Variants in PARD3 observed in about 807,000 individuals in gnomAD.
PARD3 encodes the protein par-3 family cell polarity regulator, also known as partitioning defective 3 homolog.
Under a neutral mutation model 155.4 loss-of-function variants are expected in PARD3, and 75 were observed. That is an observed-to-expected ratio of 0.48 (90% CI 0.40 to 0.58). PARD3 has a LOEUF of 0.58. Among genes scored for constraint, PARD3 ranks in the 20% least tolerant of loss-of-function variants. The pLI is 0.00. For synonymous variants in PARD3, 576 were observed against 610.5 expected (o/e 0.94, Z 0.83); for missense variants, 1,642 against 1,721.7 (o/e 0.95, Z 0.82).
intron 2 of PARD3, among the ~76,000 whole-genome samples, chr10:34,648,735 G>A (rs1423395342): frequency 1.3e-5 from 2 of 152,204 alleles, no homozygotes; most frequent in Non-Finnish European, 2.9e-5. Flanking sequence ...GTACCACACA[G>A]TGGTCTGCGG....
chr10:34,623,332 C>T (rs763300808), intron 2 of PARD3, among the ~76,000 whole-genome samples: 6 of 152,142 alleles, frequency 3.9e-5, no homozygotes, highest in Admixed American at 6.5e-5. Context: ...TATTTATGCA[C>T]ATTAGATATG....
intron 5 of PARD3, among the ~76,000 whole-genome samples, chr10:34,421,540 G>A (rs1452798343): frequency 6.6e-6 from 1 of 151,418 alleles, no homozygotes; most frequent in Non-Finnish European, 1.5e-5. Context: ...GTAAACTTTG[G>A]GTCCGGTCTG....
intron 20 of PARD3, among the ~76,000 whole-genome samples, chr10:34,308,103 C>T (rs758202442): frequency 1.1e-4 from 17 of 150,272 alleles, no homozygotes; most frequent in Non-Finnish European, 2.1e-4. Flanking sequence ...CTAGTGGACC[C>T]GGTAGGTTCA....
intron 21 of PARD3, among the ~76,000 whole-genome samples, chr10:34,280,240 G>T (rs140092953): frequency 2.4e-3 from 367 of 152,182 alleles, no homozygotes; most frequent in Middle Eastern, 6.8e-3. Flanking sequence ...CATTTAATAT[G>T]ATTTTCTAAG....
At chr10:34,670,151 G>A (rs1263108219) in intron 2 of PARD3, among the ~76,000 whole-genome samples, 2 of 152,214 alleles carry the variant, frequency 1.3e-5, no homozygotes. Flanking sequence ...CATCTCTCTG[G>A]CCTGGGAATC....
chr10:34,561,513 T>C (rs143477358), intron 2 of PARD3, among the ~76,000 whole-genome samples: 37 of 152,194 alleles, frequency 2.4e-4, no homozygotes, highest in Admixed American at 2.3e-3. Flanking sequence ...CATTTATTTT[T>C]TTTTAATTTA....
intron 21 of PARD3, among the ~76,000 whole-genome samples, chr10:34,274,509 G>C (rs1955781787): frequency 6.6e-6 from 1 of 152,100 alleles, no homozygotes; most frequent in Non-Finnish European, 1.5e-5. Context: ...ACTCAATTAT[G>C]ATCACTTATC....
intron 2 of PARD3, among the ~76,000 whole-genome samples, chr10:34,618,616 G>A (rs1365560527): frequency 6.6e-6 from 1 of 152,090 alleles, no homozygotes; most frequent in Non-Finnish European, 1.5e-5. Context: ...CTAATGGTAT[G>A]TATCAATCAG....
At chr10:34,664,648 GC>G (rs1296842629) in intron 2 of PARD3, among the ~76,000 whole-genome samples, 1 of 151,988 alleles carries the variant, frequency 6.6e-6, no homozygotes, top group Non-Finnish European at 1.5e-5. Flanking sequence ...ACCACACCCA[GC>G]TAATTTTTGT....
At chr10:34,145,558 TTG>T (rs941819551) in intron 22 of PARD3, among the ~76,000 whole-genome samples, 1 of 152,030 alleles carries the variant, frequency 6.6e-6, no homozygotes, top group African/African-American at 2.4e-5. Flanking sequence ...AAGCCTTCTA[TTG>T]TGTTTCTTAA....
intron 22 of PARD3, among the ~76,000 whole-genome samples, chr10:34,265,554 C>A (rs1955260411): frequency 1.3e-5 from 2 of 152,192 alleles, no homozygotes; most frequent in South Asian, 2.1e-4. Flanking sequence ...GGTCACTGGA[C>A]ACCAATTGCA....
At chr10:34,499,486 C>T (rs1262706282) in intron 3 of PARD3, among the ~76,000 whole-genome samples, 2 of 150,634 alleles carry the variant, frequency 1.3e-5, no homozygotes, top group East Asian at 3.9e-4. Flanking sequence ...AGAATGTATA[C>T]AAATTGAAAC....
intron 1 of PARD3, among the ~76,000 whole-genome samples, chr10:34,703,722 G>A (rs2094319994): frequency 1.3e-5 from 2 of 152,094 alleles, no homozygotes; most frequent in African/African-American, 4.8e-5. Context: ...AAGATTGGTG[G>A]GGGGAAGGGA....
intron 22 of PARD3, among the ~76,000 whole-genome samples, chr10:34,238,199 G>T (rs1170322987): frequency 6.6e-6 from 1 of 152,098 alleles, no homozygotes; most frequent in Non-Finnish European, 1.5e-5. Context: ...TTTTCACTCT[G>T]CATTTCAGCA....
chr10:34,525,711 AT>A (rs2082426767), intron 2 of PARD3, among the ~76,000 whole-genome samples: 1 of 151,810 alleles, frequency 6.6e-6, no homozygotes, highest in African/African-American at 2.4e-5. Context: ...TGCAGTAGGG[AT>A]TTTGCTTAAA....
intron 1 of PARD3, among the ~76,000 whole-genome samples, chr10:34,734,322 CTTTTTTTTTTTTTTTT>C (rs142307338): frequency 2.9e-4 from 20 of 67,982 alleles, no homozygotes; most frequent in Admixed American, 7.7e-4. Context: ...ATATGGGGCC[CTTTTTTTTTTTTTTTT>C]TTTTTTTTTT....
intron 2 of PARD3, among the ~76,000 whole-genome samples, chr10:34,568,660 T>C (rs903387398): frequency 6.6e-6 from 1 of 152,230 alleles, no homozygotes; most frequent in Non-Finnish European, 1.5e-5. Context: ...TGACCTCCCC[T>C]GTTCTCAGAC....
At chr10:34,462,711 T>C (rs945784227) in intron 4 of PARD3, among the ~76,000 whole-genome samples, 1 of 151,442 alleles carries the variant, frequency 6.6e-6, no homozygotes, top group Admixed American at 6.6e-5. Context: ...GGGTGGCCCA[T>C]GCTTGTAGTC....
intron 21 of PARD3, among the ~76,000 whole-genome samples, chr10:34,280,108 TGA>T (rs1010774287): frequency 1.3e-5 from 2 of 152,192 alleles, no homozygotes; most frequent in African/African-American, 4.8e-5. Context: ...GAATATTATT[TGA>T]GAGTTGGGAA....
Sources: gnomAD v4.1 joint callset for allele counts (sites outside exome capture counted in the v4.1 genomes callset) on GRCh38, gnomAD v4.1.1 for gene constraint, MANE v1.5 for transcripts, NCBI Gene and HGNC (gene_info 2026-07-23, HGNC 2026-07-21) for gene names.